The following CCDC7 variants were observed in gnomAD, a reference collection of about 807,000 sequenced individuals.
The protein encoded by CCDC7 is coiled-coil domain-containing protein 7.
A neutral mutation model predicts 196.9 loss-of-function variants in CCDC7; 183 were observed. That is an observed-to-expected ratio of 0.93 (90% CI 0.82 to 1.05). The LOEUF is 1.05. CCDC7 is among the 50% of genes least tolerant of loss of function. The probability of loss-of-function intolerance (pLI) is 0.00; values close to 1 mark genes in which losing one functional copy is unlikely to be tolerated. For synonymous variants in CCDC7, 525 were observed against 484.6 expected (o/e 1.08, Z -1.10); for missense variants, 1,540 against 1,482.2 (o/e 1.04, Z -0.64).
At chr10:32,723,374 G>A (rs2082679039) in intron 25 of CCDC7, among the ~76,000 whole-genome samples, 1 of 152,132 alleles carries the variant, frequency 6.6e-6, no homozygotes, top group Admixed American at 6.6e-5. Context: ...ATGGCCTTAT[G>A]AGGATGTTTA....
At position 32,685,953 on chromosome 10, in the gene CCDC7, G is replaced by A. The variant is rs2076420097; in HGVS notation, c.2123-17G>A. ...CATTTTTCTATTTAGTGGAATAAAT[G>A]TATTTTCTTTATGTAGCTCATAATG... On this transcript the variant is annotated splice_polypyrimidine_tract_variant and intron_variant, in intron 21 of 41. Transcript: ENST00000639629. 2.4e-6 allele frequency: 3 copies of A among 1,247,004 alleles called. No individual in the cohort carries two copies. Among genetic ancestry groups the A allele is most frequent in the East Asian group, 2.9e-5 (1 of 34,928 alleles). 77.2% of individuals were successfully genotyped at this position (1,247,004 alleles called of 1,614,324 possible).
At chr10:32,565,502 T>A in intron 13 of CCDC7, 56 bp from the exon 15 acceptor site, 1 of 1,557,898 alleles carries the variant, frequency 6.4e-7, no homozygotes, top group South Asian at 1.2e-5. Flanking sequence ...CTGGTAAAAC[T>A]AAATTAATTA....
chr10:32,816,832 CTA>C (rs2088716693), intron 31 of CCDC7, among the ~76,000 whole-genome samples: 1 of 152,136 alleles, frequency 6.6e-6, no homozygotes, highest in Non-Finnish European at 1.5e-5. Context: ...AAAACCCCAT[CTA>C]TGCATCACCA....
chr10:32,788,380 C>A (rs1194300155), intron 29 of CCDC7, among the ~76,000 whole-genome samples: 1 of 152,160 alleles, frequency 6.6e-6, no homozygotes, highest in Non-Finnish European at 1.5e-5. Flanking sequence ...GAGTTCAGAC[C>A]CCAGGCCATC....
rs2047306232 is a variant in CCDC7, at chr10:32,517,943, A to G, written c.873-2A>G. On this transcript the variant is annotated splice_acceptor_variant, in intron 9 of 41. Transcript: ENST00000639629. LOFTEE classifies it high-confidence loss of function. ...ACACACTTTTTTTGGTTTATTTTTCAGAGCTGTAAATGATCAAGTTTTGTT... is the reference window on the plus strand; with the variant it reads ...ACACACTTTTTTTGGTTTATTTTTCGGAGCTGTAAATGATCAAGTTTTGTT... 1.3e-6 allele frequency: 2 copies of G among 1,590,706 alleles called. No homozygotes were observed. The highest frequency in any genetic ancestry group is 3.6e-5 in the Admixed American group (2 of 55,740).
chr10:32,734,665 C>T (rs1226233751), intron 28 of CCDC7, among the ~76,000 whole-genome samples: 1 of 152,070 alleles, frequency 6.6e-6, no homozygotes, highest in Non-Finnish European at 1.5e-5. Context: ...GAGGCTGAGG[C>T]GGGCAGATTG....
chr10:32,779,475 C>A (rs1301756646), intron 29 of CCDC7, among the ~76,000 whole-genome samples: 1 of 152,164 alleles, frequency 6.6e-6, no homozygotes. Context: ...ACCATATAGG[C>A]AATATGGCTG....
At chr10:32,612,461 T>C (rs1461519480) in intron 18 of CCDC7, among the ~76,000 whole-genome samples, 5 of 152,300 alleles carry the variant, frequency 3.3e-5, no homozygotes, top group African/African-American at 1.2e-4. Context: ...TTATGTTGAA[T>C]AGGAGTGGTG....
At chr10:32,495,002 C>G (rs1040920077) in intron 9 of CCDC7, among the ~76,000 whole-genome samples, 3 of 152,168 alleles carry the variant, frequency 2.0e-5, no homozygotes, top group African/African-American at 4.8e-5. Flanking sequence ...CTAATTTACA[C>G]TCCCACCAAC....
chr10:32,613,388 A>G (rs939013058), intron 18 of CCDC7, among the ~76,000 whole-genome samples: 15 of 151,984 alleles, frequency 9.9e-5, no homozygotes, highest in Non-Finnish European at 2.1e-4. Flanking sequence ...ATTTTTTTGA[A>G]GGATTTTTTG....
chr10:32,483,315 T>G (rs1306229562), intron 8 of CCDC7, among the ~76,000 whole-genome samples: 1 of 152,258 alleles, frequency 6.6e-6, no homozygotes, highest in Non-Finnish European at 1.5e-5. Context: ...AAGTGTCTGT[T>G]CATACCTGTT....
At chr10:32,597,312 C>T (rs978685470) in intron 18 of CCDC7, among the ~76,000 whole-genome samples, 2 of 152,136 alleles carry the variant, frequency 1.3e-5, no homozygotes, top group Non-Finnish European at 2.9e-5. Context: ...TTGATCAAAT[C>T]GGCTACTGAA....
At chr10:32,872,978 CTTCAT>C (rs2094482998) in intron 41 of CCDC7, among the ~76,000 whole-genome samples, 1 of 152,036 alleles carries the variant, frequency 6.6e-6, no homozygotes, top group Admixed American at 6.6e-5. Flanking sequence ...ACATTTTTTC[CTTCAT>C]TTCAACTTTG....
At chr10:32,540,332 A>G (rs1185707251) in intron 11 of CCDC7, among the ~76,000 whole-genome samples, 2 of 152,168 alleles carry the variant, frequency 1.3e-5, no homozygotes, top group Non-Finnish European at 2.9e-5. Flanking sequence ...GCCTGAAATT[A>G]GGTTTGCAAC....
intron 12 of CCDC7, among the ~76,000 whole-genome samples, chr10:32,543,687 T>G (rs1183822552): frequency 6.6e-6 from 1 of 152,112 alleles, no homozygotes; most frequent in Non-Finnish European, 1.5e-5. Context: ...TCTTTGATGG[T>G]CTAGCTCATG....
At chr10:32,639,091 C>G (rs372721442) in intron 20 of CCDC7, among the ~76,000 whole-genome samples, 58 of 151,938 alleles carry the variant, frequency 3.8e-4, no homozygotes, top group African/African-American at 1.3e-3. Flanking sequence ...CTTTATTATT[C>G]TTTATTGCTT....
At chr10:32,456,504 C>A (rs958015196) in intron 3 of CCDC7, 170 bp downstream of exon 4, 3 of 508,416 alleles carry the variant, frequency 5.9e-6, no homozygotes, top group African/African-American at 2.0e-5. Context: ...TTTTTTTAAT[C>A]ATCATCAAGG....
rs149046496 is a variant in CCDC7, at chr10:32,542,679, C to A, written c.994-621C>A. 1.8e-3 allele frequency among the ~76,000 whole-genome samples: 267 copies of A among 150,448 alleles called. 2 individuals carry two copies. Among genetic ancestry groups the A allele is most frequent in the African/African-American group, 6.2e-3 (253 of 41,004 alleles). On this transcript the variant is annotated intron_variant, in intron 11 of 41. Transcript: ENST00000639629. The stretch of plus-strand genomic sequence containing the variant: ...GCAGAAAGCAACTTTCTCCATCTAC[C>A]TTGGTTCACCTGTATATAGTGTGCC...
chr10:32,707,162 C>A (rs2079922307), intron 24 of CCDC7, among the ~76,000 whole-genome samples: 1 of 152,174 alleles, frequency 6.6e-6, no homozygotes, highest in Non-Finnish European at 1.5e-5. Flanking sequence ...AAGGCTGGTT[C>A]AACATACACA....
Sources: gnomAD v4.1 joint callset for allele counts (sites outside exome capture counted in the v4.1 genomes callset) on GRCh38, gnomAD v4.1.1 for gene constraint, MANE v1.5 for transcripts, NCBI Gene and HGNC (gene_info 2026-07-23, HGNC 2026-07-21) for gene names.